DENND2B: variants seen among roughly 807,000 people sequenced by gnomAD.
DENND2B encodes DENN domain containing 2B.
A neutral mutation model predicts 116.0 loss-of-function variants in DENND2B; 32 were observed. That is an observed-to-expected ratio of 0.28 (90% confidence interval 0.21 to 0.37). The LOEUF is 0.37. Ranked by LOEUF, DENND2B falls within the 10% of genes least tolerant of loss-of-function variation. The probability of loss-of-function intolerance (pLI) is 1.00; values close to 1 mark genes in which losing one functional copy is unlikely to be tolerated. For missense variants in DENND2B, 1,276 were observed against 1,477.7 expected (o/e 0.86, Z 2.24); for synonymous variants, 588 against 583.9 (o/e 1.01, Z -0.10).
Position 8,712,168 on chromosome 11 carries a change from G to A in DENND2B, c.2172+383C>T. On this transcript the variant is annotated intron_variant, in intron 9 of 19. Transcript: ENST00000313726. This position sits in a 1 kb window ranked among gnomAD's most constrained non-coding sequence, Gnocchi z 4.4. Reference sequence around the variant, plus strand: ...TGGGAGAAGTGCGGAGTGACAGCTAGTGGGTGCAGAGTTTCTCTTTGGGGT... The same window carrying A: ...TGGGAGAAGTGCGGAGTGACAGCTAATGGGTGCAGAGTTTCTCTTTGGGGT... 1 of 364,388 alleles carries A rather than the reference G, an allele frequency of 2.7e-6. No homozygotes were observed. Among genetic ancestry groups the A allele is most frequent in the East Asian group, 7.3e-5 (1 of 13,778 alleles). The allele number at this position is 364,388 out of a possible 1,614,324, so 22.6% of individuals were successfully genotyped here.
chr11:8,717,264 C>T (rs2045049248), intron 5 of DENND2B, among the ~76,000 whole-genome samples: 1 of 152,236 alleles, frequency 6.6e-6, no homozygotes, highest in Non-Finnish European at 1.5e-5. Context: ...TCACAGACAC[C>T]TGTCTGGCTC....
At chr11:8,731,301 A>G (rs2048091893) in intron 2 of DENND2B, 92 bp from the exon 3 acceptor site, 1 of 1,248,852 alleles carries the variant, frequency 8.0e-7, no homozygotes, top group African/African-American at 1.5e-5. Flanking sequence ...TACAGAACTC[A>G]GCATCTTTTT....
chr11:8,715,910 C>G, intron 5 of DENND2B, 92 bp from the exon 6 acceptor site: 5 of 1,238,562 alleles, frequency 4.0e-6, no homozygotes, highest in Non-Finnish European at 5.5e-6. Context: ...AGGCCAAGGG[C>G]CGGCATCCCT....
intron 4 of DENND2B, among the ~76,000 whole-genome samples, chr11:8,824,448 G>A (rs2061892833): frequency 6.6e-6 from 1 of 152,084 alleles, no homozygotes; most frequent in Non-Finnish European, 1.5e-5. Flanking sequence ...GAGAACATGC[G>A]GTATTTGGTT....
chr11:8,849,553 G>C (rs1288937708), intron 3 of DENND2B, among the ~76,000 whole-genome samples: 1 of 151,368 alleles, frequency 6.6e-6, no homozygotes, highest in African/African-American at 2.4e-5. Context: ...GCCAGGCATG[G>C]TGGCTCATAT....
chr11:8,800,232 G>C (rs1254844938), intron 1 of DENND2B, among the ~76,000 whole-genome samples: 13 of 152,168 alleles, frequency 8.5e-5, no homozygotes, highest in African/African-American at 2.4e-5. Flanking sequence ...AGGATTATAA[G>C]TGTGAGCCAT....
At chr11:8,788,076 C>T (rs980802003) in intron 1 of DENND2B, among the ~76,000 whole-genome samples, 7 of 152,134 alleles carry the variant, frequency 4.6e-5, no homozygotes, top group African/African-American at 1.7e-4. Flanking sequence ...TGGTCGCCAG[C>T]AGCAAGAAAA....
intron 18 of DENND2B, 43 bp downstream of exon 18, chr11:8,696,384 T>A: frequency 6.2e-7 from 1 of 1,607,856 alleles, no homozygotes; most frequent in Non-Finnish European, 8.5e-7. Flanking sequence ...AGCCCTGCTG[T>A]GGGTGAAAAA....
At chr11:8,891,516 C>A (rs2064032956) in intron 1 of DENND2B, among the ~76,000 whole-genome samples, 2 of 152,140 alleles carry the variant, frequency 1.3e-5, no homozygotes, top group Admixed American at 1.3e-4. Flanking sequence ...CAGAGACACA[C>A]ATAGGCTCAA....
chr11:8,734,343 TG>T (rs1021981579), intron 2 of DENND2B, among the ~76,000 whole-genome samples: 4 of 152,122 alleles, frequency 2.6e-5, no homozygotes, highest in African/African-American at 9.7e-5. Flanking sequence ...TATCAGGTTA[TG>T]GCTAGCCAGT....
chr11:8,828,357 C>T (rs1290784390), intron 4 of DENND2B, among the ~76,000 whole-genome samples: 1 of 152,116 alleles, frequency 6.6e-6, no homozygotes, highest in Non-Finnish European at 1.5e-5. Context: ...ATTCAGGAGC[C>T]CAGCCCTGGG....
chr11:8,745,821 C>A (rs927964773), intron 2 of DENND2B, among the ~76,000 whole-genome samples: 1 of 152,220 alleles, frequency 6.6e-6, no homozygotes, highest in Non-Finnish European at 1.5e-5. Context: ...TTAGTCCCAA[C>A]TGACCGCCAG....
chr11:8,734,718 G>A (rs1334019494), intron 2 of DENND2B, among the ~76,000 whole-genome samples: 4 of 150,952 alleles, frequency 2.6e-5, no homozygotes, highest in Non-Finnish European at 5.9e-5. Context: ...GAACCCAGGA[G>A]GCGGAGGTTG....
At chr11:8,847,551 C>T (rs1418774340) in intron 3 of DENND2B, among the ~76,000 whole-genome samples, 1 of 152,034 alleles carries the variant, frequency 6.6e-6, no homozygotes, top group Non-Finnish European at 1.5e-5. Context: ...AGGGTATAAG[C>T]AGTCAAAGAA....
intron 1 of DENND2B, among the ~76,000 whole-genome samples, chr11:8,798,269 T>C (rs538215176): frequency 6.6e-6 from 1 of 152,336 alleles, no homozygotes; most frequent in South Asian, 2.1e-4. Context: ...GAATGCTCCA[T>C]AAATATTTAT....
At chr11:8,849,065 T>C (rs2062910177) in intron 3 of DENND2B, among the ~76,000 whole-genome samples, 1 of 152,098 alleles carries the variant, frequency 6.6e-6, no homozygotes, top group South Asian at 2.1e-4. Context: ...TGATGTAATT[T>C]TTTTTTTCCT....
intron 11 of DENND2B, chr11:8,708,222 G>T: frequency 8.1e-7 from 1 of 1,230,854 alleles, no homozygotes. Flanking sequence ...AGATGGGAAG[G>T]ACTAGGGTAC....
chr11:8,843,226 T>G (rs530166932), intron 3 of DENND2B, among the ~76,000 whole-genome samples: 2 of 152,246 alleles, frequency 1.3e-5, no homozygotes, highest in East Asian at 3.9e-4. Flanking sequence ...CATGTTGGTC[T>G]CGAACTCCTG....
chr11:8,875,215 T>C (rs991437210), upstream of DENND2B, among the ~76,000 whole-genome samples: 3 of 150,934 alleles, frequency 2.0e-5, no homozygotes, highest in African/African-American at 7.3e-5. Flanking sequence ...CCCAGCTACT[T>C]GGGAGGCTGA....
Sources: gnomAD v4.1 joint callset for allele counts (sites outside exome capture counted in the v4.1 genomes callset) on GRCh38, gnomAD v4.1.1 for gene constraint, Gnocchi (gnomAD v3.1) non-coding constraint, MANE v1.5 for transcripts, NCBI Gene and HGNC (gene_info 2026-07-23, HGNC 2026-07-21) for gene names.